The following TET3 variants were observed in gnomAD, a reference collection of about 807,000 sequenced individuals.
The protein encoded by TET3 is tet methylcytosine dioxygenase 3.
In TET3, 19 loss-of-function variants were observed where a neutral mutation model predicts 141.4. The observed-to-expected ratio is 0.13, with a 90% CI of 0.09 to 0.20. The LOEUF (loss-of-function observed/expected upper bound fraction) is 0.20, where lower values mean the gene tolerates loss of function less well. TET3 is among the 10% of genes least tolerant of loss of function. TET3 has a pLI of 1.00. For missense variants in TET3, 1,874 were observed against 2,356.9 expected (o/e 0.80, Z 4.24); for synonymous variants, 1,043 against 980.9 (o/e 1.06, Z -1.18).
At chr2:74,036,412 C>G (rs1687058732) in intron 3 of TET3, among the ~76,000 whole-genome samples, 1 of 152,150 alleles carries the variant, frequency 6.6e-6, no homozygotes, top group South Asian at 2.1e-4. Flanking sequence ...AAATTTAAAA[C>G]CATCTCCCTA....
intron 2 of TET3, among the ~76,000 whole-genome samples, chr2:74,001,571 AGT>A (rs1428653410): frequency 6.6e-6 from 1 of 152,158 alleles, no homozygotes; most frequent in East Asian, 1.9e-4. Context: ...TGGGTACCAA[AGT>A]GTGTGGAAGT....
Position 74,046,882 on chromosome 2 carries a change from C to T in TET3, c.965C>T (p.Pro322Leu), listed in dbSNP as rs1234447924. 4.3e-6 allele frequency: 7 copies of T among 1,613,610 alleles called. No homozygotes were observed. The highest frequency in any genetic ancestry group is 5.1e-6 in the Non-Finnish European group (6 of 1,179,876). Residue 322 changes from proline (P) to leucine (L), a missense_variant, in exon 4 of 12, where the codon CCA becomes CTA. Around this residue, in one of 10 missense-constraint regions of TET3, gnomAD observed 366 missense variants for 487.0 expected, o/e 0.75. Transcript: ENST00000409262. This position sits in a 1 kb window ranked among gnomAD's most constrained non-coding sequence, Gnocchi z 4.3. ...GGCCTCCCAGCACCAAGCACCAGGC[C>T]ACTCCTCAGCTCAGAGGTGCCCCAG... ...EAGLPAPSTR[P>L]LLSSEVPQIS...
chr2:74,100,546 G>A lies in TET3; in HGVS notation c.3758G>A (p.Ser1253Asn), dbSNP rs1208144610. The A allele has an allele frequency of 2.5e-6, 4 of 1,612,504 alleles. No individual in the cohort carries two copies. The Admixed American group carries it at 5.0e-5, about 20-fold the overall frequency. The stretch of plus-strand genomic sequence containing the variant: ...AACTGCCGGCCCTCCGACCCTTACA[G>A]CATGAACAGCGTGTACTCCTACCAC... ...LGNCRPSDPY[S>N]MNSVYSYHSY... The change falls in exon 12 of 12, where the codon AGC becomes AAC. Residue 1253 changes from serine (S) to asparagine (N), a missense_variant. This residue lies in a region of TET3 where 602 missense variants were observed against 590.2 expected (regional missense o/e 1.02). Coordinates refer to ENST00000409262, the MANE Select transcript of TET3 (RefSeq NM_001287491.2).
chr2:74,047,757 C>T lies in TET3; in HGVS notation c.1840C>T (p.Pro614Ser). ...GCCCATTCAGATCAAGAAGTCCAGG[C>T]CCCGGGAAGCACAGCCCCTCTTCCC... ...RKPIQIKKSR[P>S]REAQPLFPPV... Residue 614 changes from proline to serine, a missense_variant, in exon 4 of 12, where the codon CCC becomes TCC. Pro to Ser is a moderately conservative substitution (Grantham distance 74). This residue lies in a region of TET3 where 484 missense variants were observed against 462.2 expected (regional missense o/e 1.05). Coordinates refer to ENST00000409262, the MANE Select transcript of TET3 (RefSeq NM_001287491.2). 6.2e-7 allele frequency: 1 copy of T among 1,613,766 alleles called. No individual in the cohort carries two copies. Among genetic ancestry groups the T allele is most frequent in the Non-Finnish European group, 8.5e-7 (1 of 1,179,806 alleles).
At chr2:74,069,793 T>A (rs1384698763) in intron 4 of TET3, among the ~76,000 whole-genome samples, 2 of 152,056 alleles carry the variant, frequency 1.3e-5, no homozygotes, top group Non-Finnish European at 1.5e-5. Context: ...ATTGACAGGG[T>A]CTCACTATGT....
At chr2:74,133,256 C>A in the TET3 span, among the ~76,000 whole-genome samples, 1 of 152,094 alleles carries the variant, frequency 6.6e-6, no homozygotes, top group Non-Finnish European at 1.5e-5. Flanking sequence ...AGTGAGAGTC[C>A]CCCGTGTTCC....
chr2:74,072,773 C>T (rs954655150), intron 4 of TET3, among the ~76,000 whole-genome samples: 4 of 152,192 alleles, frequency 2.6e-5, no homozygotes, highest in African/African-American at 7.2e-5. Flanking sequence ...CCAGCCCCTG[C>T]GAACCTCTCA....
At chr2:74,066,175 C>A (rs1688887682) in intron 4 of TET3, among the ~76,000 whole-genome samples, 1 of 152,130 alleles carries the variant, frequency 6.6e-6, no homozygotes, top group East Asian at 1.9e-4. Context: ...GACCCGAGTT[C>A]ATAATGATAT....
intron 2 of TET3, among the ~76,000 whole-genome samples, chr2:73,994,729 C>T (rs1684503604): frequency 1.3e-5 from 2 of 149,590 alleles, no homozygotes; most frequent in Admixed American, 6.7e-5. Context: ...CCTCTGCCTC[C>T]CAGGTTCGAG....
chr2:74,052,642 C>T (rs1001840216), intron 4 of TET3, among the ~76,000 whole-genome samples: 5 of 150,622 alleles, frequency 3.3e-5, no homozygotes, highest in East Asian at 1.9e-4. Context: ...GAGGCAGAGG[C>T]GGGCAGATCA....
chr2:74,029,386 G>A (rs187292290), intron 3 of TET3, among the ~76,000 whole-genome samples: 1 of 152,180 alleles, frequency 6.6e-6, no homozygotes, highest in Non-Finnish European at 1.5e-5. Context: ...TGGGAATATA[G>A]CAAACAGGAG....
intron 3 of TET3, among the ~76,000 whole-genome samples, chr2:74,024,937 G>A (rs1686247938): frequency 6.6e-6 from 1 of 151,966 alleles, no homozygotes; most frequent in South Asian, 2.1e-4. Flanking sequence ...TAAGTAGCAG[G>A]CCAGGCGCCG....
intron 3 of TET3, among the ~76,000 whole-genome samples, chr2:74,026,708 G>C (rs369908602): frequency 2.0e-5 from 3 of 150,420 alleles, no homozygotes; most frequent in Non-Finnish European, 4.4e-5. Context: ...TGAATCGCTC[G>C]CAAACTTCCC....
chr2:74,107,927 T>C lies in TET3; in HGVS notation c.*5751T>C, dbSNP rs576428431. 2.0e-5 allele frequency: 3 copies of C among 153,118 alleles called. No homozygotes were observed. The East Asian group carries it at 5.8e-4, about 29-fold the overall frequency. The allele number at this position is 153,118 out of a possible 1,614,324, so 9.5% of individuals were successfully genotyped here. The stretch of plus-strand genomic sequence containing the variant: ...ATTTTATTTTGTATAATTTTTACCT[T>C]TTTGTTAATATTTTTTCCTTCCACT... On this transcript the variant is annotated 3_prime_UTR_variant, in exon 12 of 12. Coordinates refer to ENST00000409262, the MANE Select transcript of TET3 (RefSeq NM_001287491.2).
At chr2:73,992,624 T>C (rs1326058815) in intron 2 of TET3, among the ~76,000 whole-genome samples, 1 of 152,174 alleles carries the variant, frequency 6.6e-6, no homozygotes, top group Admixed American at 6.5e-5. Context: ...CTTGTTGTTT[T>C]TTTAAATAGA....
At position 74,105,389 on chromosome 2, in the gene TET3, TAAA is replaced by T. The variant is rs1393392787; in HGVS notation, c.*3216_*3218del. 2.8e-5 allele frequency: 11 copies of T among 398,480 alleles called. No homozygotes were observed. The highest frequency in any genetic ancestry group is 1.8e-4 in the Admixed American group (4 of 22,712). The allele number at this position is 398,480 out of a possible 1,614,324, so 24.7% of individuals were successfully genotyped here. A position where few individuals can be genotyped will look rare whatever the true frequency, so the allele number is the denominator to read the frequency against. On this transcript the variant is annotated 3_prime_UTR_variant, in exon 12 of 12. Coordinates refer to ENST00000409262, the MANE Select transcript of TET3 (RefSeq NM_001287491.2). ...GTTCTGTGCTACGAGATTTTTAAAA[TAAA>T]AATCGCTTCGCAGCAGGTTCTCACA...
chr2:73,994,624 T>C, intron 2 of TET3, among the ~76,000 whole-genome samples: 1 of 134,542 alleles, frequency 7.4e-6, no homozygotes, highest in South Asian at 2.2e-4. Context: ...TTTTCTTTCT[T>C]TCTTTCTTTC....
chr2:73,999,015 G>A lies in TET3; in HGVS notation c.304-4095G>A, dbSNP rs189454133. On this transcript the variant is annotated intron_variant, in intron 2 of 11. Transcript: ENST00000409262. ...TCAGATGAGAAATGTTAGAAGCGCC[G>A]TTGGTTGGCAGAAGACTGGTATAAT... is the stretch of plus-strand genomic sequence containing the variant. Among the ~76,000 whole-genome samples, 194 of 152,290 alleles carry A rather than the reference G, an allele frequency of 1.3e-3. 2 individuals are homozygous for A. The highest frequency in any genetic ancestry group is 1.9e-4 in the East Asian group (1 of 5,184).
At chr2:74,134,881 T>A in the TET3 span, 1 of 418,940 alleles carries the variant, frequency 2.4e-6, no homozygotes, top group South Asian at 1.7e-5. Context: ...GCAGCAGGAA[T>A]GGATGTCCCA....
Sources: allele counts gnomAD v4.1 joint callset (sites outside exome capture counted in the v4.1 genomes callset), GRCh38; gene constraint gnomAD v4.1.1; regional missense constraint gnomAD v4.1.1; non-coding constraint Gnocchi (gnomAD v3.1); transcripts MANE v1.5; gene names NCBI Gene and HGNC (gene_info 2026-07-23, HGNC 2026-07-21).